The following COL6A6 variants were observed in gnomAD, a reference collection of about 807,000 sequenced individuals.
The protein encoded by COL6A6 is collagen type VI alpha 6 chain.
A neutral mutation model predicts 208.6 loss-of-function variants in COL6A6; 183 were observed. That is an observed-to-expected ratio of 0.88 (90% confidence interval 0.78 to 0.99). The LOEUF is 0.99. Ranked by LOEUF, COL6A6 falls within the 50% of genes least tolerant of loss-of-function variation. The pLI is 0.00. For synonymous variants in COL6A6, 973 were observed against 1,011.8 expected, an observed-to-expected ratio of 0.96 and a Z score of 0.73; for missense variants, 2,816 against 2,815.2, an observed-to-expected ratio of 1.00 and a Z score of -0.01.
intron 21 of COL6A6, among the ~76,000 whole-genome samples, chr3:130,608,660 A>G (rs2108198653): frequency 6.6e-6 from 1 of 151,992 alleles, no homozygotes; most frequent in East Asian, 1.9e-4. Flanking sequence ...GCATGCATGC[A>G]TATATATAAA....
chr3:130,550,647 A>G (rs1244646913), intron 1 of COL6A6, among the ~76,000 whole-genome samples: 1 of 152,222 alleles, frequency 6.6e-6, no homozygotes, highest in African/African-American at 2.4e-5. Context: ...TCATAAACCC[A>G]TTAGATCTTG....
At chr3:130,517,677 G>T (rs537199703) in intron 1 of COL6A6, among the ~76,000 whole-genome samples, 2 of 152,314 alleles carry the variant, frequency 1.3e-5, no homozygotes, top group Non-Finnish European at 2.9e-5. Context: ...TCCCATCTCC[G>T]CGTCTCCCAC....
At chr3:130,641,501 T>C (rs1337336544) in intron 28 of COL6A6, 151 bp from the exon 29 acceptor site, 1 of 442,114 alleles carries the variant, frequency 2.3e-6, no homozygotes, top group Non-Finnish European at 4.1e-6. Context: ...TCCTTCTTTA[T>C]GTTTTTTGGA....
At chr3:130,625,189 C>T (rs190285777) in intron 24 of COL6A6, among the ~76,000 whole-genome samples, 283 of 152,324 alleles carry the variant, frequency 1.9e-3, no homozygotes, top group Middle Eastern at 3.4e-3. Context: ...TCCTAAAAGG[C>T]ATCAAGGCAG....
At chr3:130,663,141 T>C (rs2065979978) in intron 35 of COL6A6, among the ~76,000 whole-genome samples, 1 of 152,188 alleles carries the variant, frequency 6.6e-6, no homozygotes, top group African/African-American at 2.4e-5. Flanking sequence ...AATGTGCCTC[T>C]GATATTACGT....
At chr3:130,545,715 C>T (rs1446122593) in intron 1 of COL6A6, among the ~76,000 whole-genome samples, 2 of 152,198 alleles carry the variant, frequency 1.3e-5, no homozygotes, top group African/African-American at 4.8e-5. Flanking sequence ...CCTCGGCCTC[C>T]CAAAGTGCTG....
chr3:130,580,970 A>G (rs1463697242), intron 8 of COL6A6, among the ~76,000 whole-genome samples: 1 of 151,712 alleles, frequency 6.6e-6, no homozygotes, highest in African/African-American at 2.4e-5. Context: ...ACTTACACCA[A>G]GCAAGATCTC....
chr3:130,645,965 A>G (rs1033786621), intron 32 of COL6A6, among the ~76,000 whole-genome samples: 2 of 152,200 alleles, frequency 1.3e-5, no homozygotes, highest in Admixed American at 1.3e-4. Context: ...CAGTATGTGT[A>G]GTAGGCATTA....
intron 2 of COL6A6, among the ~76,000 whole-genome samples, chr3:130,562,487 C>T (rs959527358): frequency 6.6e-6 from 1 of 151,982 alleles, no homozygotes; most frequent in African/African-American, 2.4e-5. Flanking sequence ...TTGACTATTC[C>T]ATATTTTTAT....
intron 10 of COL6A6, among the ~76,000 whole-genome samples, chr3:130,584,729 G>C (rs1196225200): frequency 2.6e-5 from 4 of 151,806 alleles, no homozygotes; most frequent in African/African-American, 9.7e-5. Context: ...ATTCTCGTGT[G>C]TCAGCCTCCC....
chr3:130,567,773 A>G (rs2063063690), intron 5 of COL6A6, among the ~76,000 whole-genome samples: 1 of 152,228 alleles, frequency 6.6e-6, no homozygotes, highest in Admixed American at 6.5e-5. Flanking sequence ...AGCATTTTAC[A>G]GTATCCTACA....
chr3:130,568,659 A>G, intron 6 of COL6A6, 55 bp downstream of exon 6: 1 of 1,417,162 alleles, frequency 7.1e-7, no homozygotes, highest in Non-Finnish European at 9.5e-7. Context: ...TGTCTTTTTT[A>G]GCCTCTATTT....
At position 130,644,996 on chromosome 3, in the gene COL6A6, A is replaced by C; in HGVS notation, c.5233A>C (p.Arg1745=). ...IQYVRDRSPG[R]HGKPECPVHP... is the part of the protein sequence containing the mutation. ...CCTTTGTTCTTCTTCCCCAGCTGGC[A>C]GGCATGGTGAGTAATCTTTATTTAC... The change falls in exon 32 of 37, where the codon AGG becomes CGG. Residue 1745 remains arginine (R), a synonymous_variant. Coordinates refer to ENST00000358511, the MANE Select transcript of COL6A6 (RefSeq NM_001102608.3). 1 of 1,612,102 alleles carries C rather than the reference A, an allele frequency of 6.2e-7. No individual in the cohort carries two copies.
chr3:130,564,305 C>T (rs2062965053), intron 3 of COL6A6, among the ~76,000 whole-genome samples: 2 of 152,192 alleles, frequency 1.3e-5, no homozygotes, highest in Admixed American at 1.3e-4. Context: ...AACTTCTCTC[C>T]TGGTCTGTCC....
intron 8 of COL6A6, among the ~76,000 whole-genome samples, chr3:130,581,054 C>A (rs79849582): frequency 0.019 from 2,888 of 151,162 alleles, 94 homozygotes; most frequent in African/African-American, 0.066. Context: ...CAAGAGGAAT[C>A]AAAAAGGCCC....
rs1258151464 is a variant in COL6A6 at position 130,661,666 on chromosome 3, C to T, written c.5860C>T (p.Gln1954Ter). 1 of 1,613,102 alleles carries T rather than the reference C, an allele frequency of 6.2e-7. No individual in the cohort carries two copies. The highest frequency in any genetic ancestry group is 1.3e-5 in the African/African-American group (1 of 74,882). ...DVCKPDASCD[Q>*]ARPPPVQSYM... ...GTGCAAGCCAGATGCTTCTTGTGAC[C>T]AAGCCAGACCACCCCCTGTGCAGTC... The change falls in exon 35 of 37, where the codon CAA becomes TAA. Residue 1954 changes from glutamine (Q) to a stop codon, truncating the protein, a stop_gained. Transcript: ENST00000358511. LOFTEE classifies it high-confidence loss of function.
At chr3:130,528,452 T>C (rs1207904396) in intron 1 of COL6A6, among the ~76,000 whole-genome samples, 1 of 152,186 alleles carries the variant, frequency 6.6e-6, no homozygotes, top group Non-Finnish European at 1.5e-5. Flanking sequence ...GGTTGCAAAG[T>C]TTTTCTATAA....
At chr3:130,650,626 A>G (rs2065614631) in intron 33 of COL6A6, among the ~76,000 whole-genome samples, 1 of 152,028 alleles carries the variant, frequency 6.6e-6, no homozygotes, top group Non-Finnish European at 1.5e-5. Flanking sequence ...AAAAAAGAAA[A>G]AAGAAAAAGG....
chr3:130,613,207 G>A (rs1384770995), intron 23 of COL6A6, among the ~76,000 whole-genome samples: 2 of 152,092 alleles, frequency 1.3e-5, no homozygotes, highest in Non-Finnish European at 2.9e-5. Context: ...ATAAGGAAGG[G>A]GCCCAGTTTC....
Sources: gnomAD v4.1 joint callset for allele counts (sites outside exome capture counted in the v4.1 genomes callset) on GRCh38, gnomAD v4.1.1 for gene constraint, MANE v1.5 for transcripts, NCBI Gene and HGNC (gene_info 2026-07-23, HGNC 2026-07-21) for gene names.